HPGDS: variants seen among roughly 807,000 people sequenced by gnomAD.
HPGDS encodes hematopoietic prostaglandin D synthase.
HPGDS carries 26 observed loss-of-function variants against 23.1 expected under a neutral mutation model. The observed-to-expected ratio is 1.13, with a 90% CI of 0.83 to 1.56. The LOEUF is 1.56. HPGDS is among the 40% of genes most tolerant of loss of function. The pLI, the probability that HPGDS is intolerant of heterozygous loss-of-function variation, is 0.00. For synonymous variants in HPGDS, 95 were observed against 77.9 expected, an observed-to-expected ratio of 1.22 and a Z score of -1.16; for missense variants, 268 against 236.4, an observed-to-expected ratio of 1.13 and a Z score of -0.88.
At chr4:94,317,784 T>C (rs1756426206) in intron 3 of HPGDS, 89 bp downstream of exon 3, 2 of 739,886 alleles carry the variant, frequency 2.7e-6, no homozygotes, top group Non-Finnish European at 4.7e-6. Context: ...TACTATAGTA[T>C]GCTATGCTAA....
chr4:94,308,610 G>A, intron 4 of HPGDS, 24 bp downstream of exon 4: 2 of 1,257,378 alleles, frequency 1.6e-6, no homozygotes, highest in South Asian at 1.2e-5. Context: ...ATTAATACTA[G>A]GAATAGCAAA....
At chr4:94,313,277 G>A (rs959280137) in intron 3 of HPGDS, among the ~76,000 whole-genome samples, 1 of 152,174 alleles carries the variant, frequency 6.6e-6, no homozygotes, top group Non-Finnish European at 1.5e-5. Context: ...GGCTGGTACT[G>A]GTTGTTCCAT....
At chr4:94,300,848 G>T (rs1403318415) in intron 5 of HPGDS, among the ~76,000 whole-genome samples, 1 of 152,138 alleles carries the variant, frequency 6.6e-6, no homozygotes, top group Non-Finnish European at 1.5e-5. Context: ...AGCAATCTGG[G>T]GATTAAGCGT....
rs192364319 is a variant in HPGDS at position 94,314,677 on chromosome 4, G to A, written c.226+3196C>T. On this transcript the variant is annotated intron_variant, in intron 3 of 5. Transcript: ENST00000295256. ...ATGGTCTCCCAAGCTGTCAGATAGG[G>A]ACATTTAAGTCTGCAGAGGTTTCTG... Among the ~76,000 whole-genome samples the A allele has an allele frequency of 1.3e-3, 191 of 152,286 alleles. 1 individual carries two copies. Among genetic ancestry groups the A allele is most frequent in the African/African-American group, 4.5e-3 (187 of 41,570 alleles).
intron 1 of HPGDS, among the ~76,000 whole-genome samples, chr4:94,339,582 G>T (rs546797026): frequency 6.6e-6 from 1 of 152,262 alleles, no homozygotes; most frequent in Admixed American, 6.5e-5. Flanking sequence ...CACTGCAGAA[G>T]ATTTAACTTT....
intron 2 of HPGDS, among the ~76,000 whole-genome samples, chr4:94,329,653 C>T (rs1756701479): frequency 6.6e-6 from 1 of 152,142 alleles, no homozygotes; most frequent in South Asian, 2.1e-4. Flanking sequence ...GCATTAGAGC[C>T]ATTGACAACA....
intron 4 of HPGDS, 125 bp downstream of exon 4, chr4:94,308,509 A>G (rs1487151502): frequency 3.9e-6 from 2 of 515,058 alleles, no homozygotes; most frequent in East Asian, 3.1e-5. Context: ...AACTTTTAAA[A>G]TATAATTTGG....
intron 5 of HPGDS, 118 bp downstream of exon 5, chr4:94,302,028 G>C: frequency 1.8e-6 from 1 of 545,904 alleles, no homozygotes; most frequent in Non-Finnish European, 3.3e-6. Flanking sequence ...TTTAACCTTT[G>C]TTCTTGCTGT....
intron 2 of HPGDS, among the ~76,000 whole-genome samples, chr4:94,332,731 T>C (rs1756756436): frequency 6.6e-6 from 1 of 152,248 alleles, no homozygotes; most frequent in South Asian, 2.1e-4. Flanking sequence ...GTCAATCCTA[T>C]GTCAGCTCAA....
intron 2 of HPGDS, among the ~76,000 whole-genome samples, chr4:94,333,783 A>T (rs1216490278): frequency 6.6e-6 from 1 of 152,258 alleles, no homozygotes; most frequent in Non-Finnish European, 1.5e-5. Flanking sequence ...TACATGTAAT[A>T]TCTGCACCTT....
chr4:94,311,165 A>C (rs1346713015), intron 3 of HPGDS, among the ~76,000 whole-genome samples: 1 of 152,206 alleles, frequency 6.6e-6, no homozygotes, highest in Non-Finnish European at 1.5e-5. Context: ...CAGAACTTCC[A>C]ACACTGTGTT....
At chr4:94,341,317 G>A (rs925536390) in intron 1 of HPGDS, among the ~76,000 whole-genome samples, 4 of 152,054 alleles carry the variant, frequency 2.6e-5, no homozygotes, top group African/African-American at 7.2e-5. Flanking sequence ...ATATTATTCC[G>A]TATACTGCTG....
At chr4:94,320,340 G>A (rs949695701) in intron 2 of HPGDS, among the ~76,000 whole-genome samples, 5 of 152,132 alleles carry the variant, frequency 3.3e-5, no homozygotes, top group African/African-American at 1.2e-4. Context: ...TCACCACACT[G>A]TCTTCCACAA....
At chr4:94,325,403 G>T (rs888472507) in intron 2 of HPGDS, among the ~76,000 whole-genome samples, 2 of 152,170 alleles carry the variant, frequency 1.3e-5, no homozygotes, top group African/African-American at 4.8e-5. Flanking sequence ...GTCTACAGAG[G>T]CAGGTAGGCC....
intron 2 of HPGDS, among the ~76,000 whole-genome samples, chr4:94,332,679 C>T (rs984100273): frequency 2.6e-5 from 4 of 152,336 alleles, no homozygotes; most frequent in Admixed American, 1.3e-4. Flanking sequence ...ATCACAAGTC[C>T]GACAAAGGGG....
At chr4:94,318,457 TA>T (rs976371643) in intron 2 of HPGDS, among the ~76,000 whole-genome samples, 2 of 152,180 alleles carry the variant, frequency 1.3e-5, no homozygotes, top group African/African-American at 2.4e-5. Context: ...AGAAATTTTT[TA>T]TTTCTTATTT....
chr4:94,303,560 C>T (rs1421714501), intron 4 of HPGDS, among the ~76,000 whole-genome samples: 1 of 152,216 alleles, frequency 6.6e-6, no homozygotes, highest in East Asian at 1.9e-4. Flanking sequence ...CTATAAAGTG[C>T]TCTGTGGTCA....
At chr4:94,315,538 G>A (rs1756379346) in intron 3 of HPGDS, among the ~76,000 whole-genome samples, 1 of 151,216 alleles carries the variant, frequency 6.6e-6, no homozygotes, top group Non-Finnish European at 1.5e-5. Context: ...ATAAATCATT[G>A]GTCTTCCTAA....
At chr4:94,312,539 G>A (rs930982201) in intron 3 of HPGDS, among the ~76,000 whole-genome samples, 8 of 152,324 alleles carry the variant, frequency 5.3e-5, no homozygotes, top group African/African-American at 1.7e-4. Flanking sequence ...TACATTTGCT[G>A]AGGAGTGCTT....
Sources: allele counts gnomAD v4.1 joint callset (sites outside exome capture counted in the v4.1 genomes callset), GRCh38; gene constraint gnomAD v4.1.1; transcripts MANE v1.5; gene names NCBI Gene and HGNC (gene_info 2026-07-23, HGNC 2026-07-21).